The following SORCS2 variants were observed in gnomAD, a reference collection of about 807,000 sequenced individuals.
SORCS2 encodes sortilin related VPS10 domain containing receptor 2, also known as VPS10 domain-containing receptor SorCS2.
SORCS2 carries 100 observed loss-of-function variants against 141.6 expected under a neutral mutation model. The observed-to-expected ratio is 0.71, with a 90% CI of 0.60 to 0.83. The LOEUF (loss-of-function observed/expected upper bound fraction) is 0.83. Ranked by LOEUF, SORCS2 falls within the 40% of genes least tolerant of loss-of-function variation. SORCS2 has a pLI of 0.00. For missense variants in SORCS2, 1,646 were observed against 1,560.2 expected, an observed-to-expected ratio of 1.05 and a Z score of -0.93; for synonymous variants, 789 against 676.9, an observed-to-expected ratio of 1.17 and a Z score of -2.57.
At chr4:7,620,003 TTTCTCCTCCTCCTCCTTC>T (rs1169792016) in intron 3 of SORCS2, among the ~76,000 whole-genome samples, 8 of 143,238 alleles carry the variant, frequency 5.6e-5, no homozygotes, top group Non-Finnish European at 9.2e-5. Flanking sequence ...ACACCTCTTT[TTTCTCCTCCTCCTCCTTC>T]CTCCTCCTCC....
At chr4:7,237,842 T>C (rs755689937) in intron 1 of SORCS2, among the ~76,000 whole-genome samples, 1 of 151,870 alleles carries the variant, frequency 6.6e-6, no homozygotes, top group East Asian at 1.9e-4. Context: ...CATACTCTAT[T>C]GTGGATGTTT....
At chr4:7,714,023 C>T (rs1223539745) in intron 15 of SORCS2, among the ~76,000 whole-genome samples, 1 of 152,238 alleles carries the variant, frequency 6.6e-6, no homozygotes, top group African/African-American at 2.4e-5. Context: ...CAGGGCTGCA[C>T]ACAGGAGGGG....
At chr4:7,544,071 CCCAT>C (rs1276428522) in intron 3 of SORCS2, among the ~76,000 whole-genome samples, 26 of 128,026 alleles carry the variant, frequency 2.0e-4, no homozygotes, top group African/African-American at 7.4e-4. Flanking sequence ...CATCCATCCA[CCCAT>C]CCATCCATCC....
chr4:7,685,632 C>T (rs553941924), intron 10 of SORCS2, among the ~76,000 whole-genome samples: 1 of 152,038 alleles, frequency 6.6e-6, no homozygotes. Context: ...GATCGTGCCA[C>T]TGCACTCTAG....
At chr4:7,414,090 C>T (rs974489301) in intron 2 of SORCS2, among the ~76,000 whole-genome samples, 14 of 152,154 alleles carry the variant, frequency 9.2e-5, no homozygotes, top group Non-Finnish European at 1.9e-4. Context: ...AAGGAAAGCT[C>T]GACAAGGCGA....
chr4:7,433,896 C>G, intron 2 of SORCS2: 1 of 1,613,860 alleles, frequency 6.2e-7, no homozygotes, highest in Non-Finnish European at 8.5e-7. Flanking sequence ...TAGAGGCAGG[C>G]ATTACCGAGC....
intron 2 of SORCS2, among the ~76,000 whole-genome samples, chr4:7,494,860 TCC>T (rs1731517450): frequency 6.6e-6 from 1 of 152,200 alleles, no homozygotes; most frequent in Admixed American, 6.5e-5. Context: ...ATCTTTGGGC[TCC>T]GGCTCGTCTC....
chr4:7,311,655 G>A (rs1349399591), intron 1 of SORCS2, among the ~76,000 whole-genome samples: 1 of 152,260 alleles, frequency 6.6e-6, no homozygotes, highest in African/African-American at 2.4e-5. Flanking sequence ...ATGATGTCGA[G>A]CTTCTTTATG....
intron 20 of SORCS2, 62 bp from the exon 21 acceptor site, chr4:7,726,718 A>G: frequency 6.3e-7 from 1 of 1,581,928 alleles, no homozygotes; most frequent in Non-Finnish European, 8.6e-7. Context: ...ACCATAGGCC[A>G]GCGTCCCCCA....
intron 18 of SORCS2, among the ~76,000 whole-genome samples, chr4:7,719,862 T>G (rs1313985305): frequency 1.3e-5 from 2 of 152,186 alleles, no homozygotes. Flanking sequence ...CCTGCTCTGC[T>G]GGCAGGAGCT....
At chr4:7,737,435 A>G (rs577674225) in intron 26 of SORCS2, among the ~76,000 whole-genome samples, 1 of 152,204 alleles carries the variant, frequency 6.6e-6, no homozygotes, top group East Asian at 1.9e-4. Flanking sequence ...AATGACCAAA[A>G]GCCCCCGACA....
intron 1 of SORCS2, among the ~76,000 whole-genome samples, chr4:7,234,059 G>A (rs894895566): frequency 8.5e-5 from 13 of 152,288 alleles, no homozygotes; most frequent in Non-Finnish European, 1.9e-4. Context: ...CCGAGCCCTT[G>A]ATCCTGGCAG....
intron 1 of SORCS2, among the ~76,000 whole-genome samples, chr4:7,315,142 G>C (rs1718475228): frequency 6.6e-6 from 1 of 152,134 alleles, no homozygotes. Flanking sequence ...CTTGTCCGCT[G>C]TTCTTCTTGT....
chr4:7,637,620 C>G (rs1156405864), intron 3 of SORCS2, among the ~76,000 whole-genome samples: 1 of 152,246 alleles, frequency 6.6e-6, no homozygotes, highest in Non-Finnish European at 1.5e-5. Context: ...AGCACTGAGC[C>G]AGCTGGGTTT....
chr4:7,450,298 G>A (rs571981677), intron 2 of SORCS2, among the ~76,000 whole-genome samples: 1 of 152,216 alleles, frequency 6.6e-6, no homozygotes, highest in Admixed American at 6.5e-5. Context: ...GCTGTGGGAG[G>A]AATTAAAGGA....
chr4:7,433,693 C>T, intron 2 of SORCS2: 2 of 1,612,578 alleles, frequency 1.2e-6, no homozygotes, highest in Non-Finnish European at 1.7e-6. Context: ...GCACCCATTG[C>T]AGAAGCTGCC....
intron 2 of SORCS2, among the ~76,000 whole-genome samples, chr4:7,472,269 A>C (rs1730022367): frequency 6.6e-6 from 1 of 152,148 alleles, no homozygotes; most frequent in African/African-American, 2.4e-5. Context: ...GCACAGGGGC[A>C]CTTTCCCCAC....
Position 7,456,979 on chromosome 4 carries a change from C to T in SORCS2, c.548+60624C>T, listed in dbSNP as rs754405104. ...TCCAGGGTTGTGGTGAGGGGTGAGT[C>T]GACGAGGTCAGGGTGAAGGCCGAGC... On this transcript the variant is annotated intron_variant, in intron 2 of 26. Coordinates refer to ENST00000507866, the MANE Select transcript of SORCS2 (RefSeq NM_020777.3). Among the ~76,000 whole-genome samples the T allele has an allele frequency of 5.7e-4, 87 of 152,010 alleles. 1 individual carries two copies. Among genetic ancestry groups the T allele is most frequent in the Non-Finnish European group, 4.7e-4 (32 of 68,012 alleles).
rs534127452 is a variant in SORCS2, at chr4:7,448,508, C to G, written c.548+52153C>G. On this transcript the variant is annotated intron_variant, in intron 2 of 26. Coordinates refer to ENST00000507866, the MANE Select transcript of SORCS2 (RefSeq NM_020777.3). ...ATGTCTCCCTTCCTTTCCTTTCCAT[C>G]TCCCTCCCTCCCTTCCTCTCTTCCT... Among the ~76,000 whole-genome samples, 9 of 127,934 alleles carry G rather than the reference C, an allele frequency of 7.0e-5. No individual in the cohort carries two copies. The South Asian group carries it at 2.0e-3, about 29-fold the overall frequency. The allele number at this position is 127,934 out of a possible 152,430, so 83.9% of individuals were successfully genotyped here. A position where few individuals can be genotyped will look rare whatever the true frequency, so the allele number is the denominator to read the frequency against.
Sources: allele counts gnomAD v4.1 joint callset (sites outside exome capture counted in the v4.1 genomes callset), GRCh38; gene constraint gnomAD v4.1.1; transcripts MANE v1.5; gene names NCBI Gene and HGNC (gene_info 2026-07-23, HGNC 2026-07-21).